The following FAM107B variants were observed in gnomAD, a reference collection of about 807,000 sequenced individuals.
FAM107B encodes the protein protein FAM107B.
In FAM107B, 21 loss-of-function variants were observed where a neutral mutation model predicts 31.5. The ratio of observed to expected loss-of-function variants is 0.67; its 90% CI spans 0.47 to 0.96. The LOEUF is 0.96. Ranked by LOEUF, FAM107B falls within the 40% of genes least tolerant of loss-of-function variation. The pLI is 0.00. For synonymous variants in FAM107B, 157 were observed against 141.5 expected, an observed-to-expected ratio of 1.11 and a Z score of -0.78; for missense variants, 452 against 377.1, an observed-to-expected ratio of 1.20 and a Z score of -1.64.
chr10:14,639,139 A>G (rs1853572658), intron 2 of FAM107B, among the ~76,000 whole-genome samples: 1 of 152,162 alleles, frequency 6.6e-6, no homozygotes, highest in African/African-American at 2.4e-5. Flanking sequence ...GGATGCAGTG[A>G]GCAGTGATGG....
intron 2 of FAM107B, chr10:14,556,517 A>G: frequency 1.5e-6 from 1 of 646,912 alleles, no homozygotes; most frequent in Non-Finnish European, 1.9e-6. Flanking sequence ...TGGACAAAAC[A>G]AAGCCGTGCG....
At chr10:14,543,188 T>C (rs1848383006) in intron 2 of FAM107B, among the ~76,000 whole-genome samples, 1 of 152,208 alleles carries the variant, frequency 6.6e-6, no homozygotes, top group Admixed American at 6.5e-5. Context: ...GGTCTAACAG[T>C]GTCACCCAGT....
At chr10:14,583,518 C>G (rs956031346) in intron 2 of FAM107B, among the ~76,000 whole-genome samples, 2 of 152,144 alleles carry the variant, frequency 1.3e-5, no homozygotes, top group African/African-American at 4.8e-5. Flanking sequence ...AGTATTCTTT[C>G]ACCTGTGGAA....
intron 1 of FAM107B, among the ~76,000 whole-genome samples, chr10:14,771,193 A>T (rs1833294347): frequency 6.6e-6 from 1 of 152,226 alleles, no homozygotes; most frequent in South Asian, 2.1e-4. Flanking sequence ...TTTAATCAGA[A>T]GATCTCAAAG....
chr10:14,648,366 G>A lies in FAM107B; in HGVS notation c.469+19268C>T, dbSNP rs182781470. The stretch of plus-strand genomic sequence containing the variant: ...GAGGGGAAACAAAAAGCCCGGAGAA[G>A]TACTGAGTGCTAAGAGGCTTTCAGA... On this transcript the variant is annotated intron_variant, in intron 2 of 4. Coordinates refer to ENST00000181796, the MANE Select transcript of FAM107B (RefSeq NM_031453.4). Among the ~76,000 whole-genome samples, 306 of 152,368 alleles carry A rather than the reference G, an allele frequency of 2.0e-3. 1 individual carries two copies. Among genetic ancestry groups the A allele is most frequent in the Non-Finnish European group, 3.5e-3 (240 of 68,028 alleles).
chr10:14,736,192 C>G (rs948000823), intron 1 of FAM107B, among the ~76,000 whole-genome samples: 1 of 152,218 alleles, frequency 6.6e-6, no homozygotes, highest in African/African-American at 2.4e-5. Flanking sequence ...TGAAAGGGAA[C>G]TGAGAGATCT....
intron 3 of FAM107B, among the ~76,000 whole-genome samples, chr10:14,527,194 A>G (rs1846360059): frequency 6.6e-6 from 1 of 152,160 alleles, no homozygotes; most frequent in Non-Finnish European, 1.5e-5. Flanking sequence ...CAAAAAAAAA[A>G]AAAAGCCTTT....
intron 2 of FAM107B, among the ~76,000 whole-genome samples, chr10:14,607,579 C>G (rs1011875021): frequency 1.3e-5 from 2 of 152,202 alleles, no homozygotes; most frequent in African/African-American, 2.4e-5. Flanking sequence ...AGGGTTATAA[C>G]AGGCAACACC....
chr10:14,686,712 C>T (rs1854997733), intron 1 of FAM107B, among the ~76,000 whole-genome samples: 1 of 152,178 alleles, frequency 6.6e-6, no homozygotes, highest in Non-Finnish European at 1.5e-5. Flanking sequence ...AGGCTTGAGT[C>T]AGCACAAAGC....
intron 2 of FAM107B, among the ~76,000 whole-genome samples, chr10:14,654,406 T>C (rs1853985622): frequency 6.6e-6 from 1 of 152,238 alleles, no homozygotes; most frequent in Non-Finnish European, 1.5e-5. Flanking sequence ...ATTACAGCTA[T>C]GCATTAATTC....
At chr10:14,694,158 G>A (rs1588710812) in intron 1 of FAM107B, among the ~76,000 whole-genome samples, 4 of 152,258 alleles carry the variant, frequency 2.6e-5, no homozygotes, top group South Asian at 2.1e-4. Flanking sequence ...TAGCTAGTAG[G>A]AATAATGCTG....
intron 1 of FAM107B, among the ~76,000 whole-genome samples, chr10:14,709,490 G>A (rs1287673025): frequency 1.3e-5 from 2 of 152,140 alleles, no homozygotes; most frequent in Non-Finnish European, 1.5e-5. Flanking sequence ...ATAACCATCA[G>A]ATCTTGTGAG....
chr10:14,730,411 T>A, intron 1 of FAM107B, among the ~76,000 whole-genome samples: 1 of 152,060 alleles, frequency 6.6e-6, no homozygotes, highest in Non-Finnish European at 1.5e-5. Context: ...AAGGCTAGAA[T>A]TGGATTTATA....
intron 2 of FAM107B, among the ~76,000 whole-genome samples, chr10:14,592,202 T>C (rs1224885069): frequency 6.6e-6 from 1 of 152,070 alleles, no homozygotes; most frequent in Non-Finnish European, 1.5e-5. Flanking sequence ...GCACAGAAAC[T>C]AGGCTATGAA....
intron 1 of FAM107B, among the ~76,000 whole-genome samples, chr10:14,708,055 G>A (rs574710527): frequency 2.0e-5 from 3 of 151,794 alleles, no homozygotes; most frequent in African/African-American, 7.2e-5. Context: ...TTCCAGCCCT[G>A]TCCATTCTCT....
intron 1 of FAM107B, among the ~76,000 whole-genome samples, chr10:14,758,873 G>GAAAAAA (rs57967855): frequency 5.1e-5 from 2 of 38,980 alleles, no homozygotes; most frequent in Non-Finnish European, 9.7e-5. Flanking sequence ...GACCCTCTCA[G>GAAAAAA]AAAAAAAAAA....
intron 1 of FAM107B, among the ~76,000 whole-genome samples, chr10:14,751,461 C>T (rs1437590501): frequency 6.6e-6 from 1 of 151,844 alleles, no homozygotes; most frequent in East Asian, 1.9e-4. Flanking sequence ...GGGCAGAGCT[C>T]CCAGGGAAGA....
At chr10:14,566,192 C>T (rs1850653112) in intron 2 of FAM107B, among the ~76,000 whole-genome samples, 1 of 152,142 alleles carries the variant, frequency 6.6e-6, no homozygotes, top group South Asian at 2.1e-4. Flanking sequence ...AGATAAAAAA[C>T]AGAATCTAAT....
intron 2 of FAM107B, among the ~76,000 whole-genome samples, chr10:14,625,202 G>T (rs930092833): frequency 1.3e-5 from 2 of 151,086 alleles, no homozygotes; most frequent in Non-Finnish European, 2.9e-5. Flanking sequence ...GTCCAGCCTG[G>T]GTGACAGAGT....
Sources: gnomAD v4.1 joint callset for allele counts (sites outside exome capture counted in the v4.1 genomes callset) on GRCh38, gnomAD v4.1.1 for gene constraint, MANE v1.5 for transcripts, NCBI Gene and HGNC (gene_info 2026-07-23, HGNC 2026-07-21) for gene names.